OSBPL3: variants seen among roughly 807,000 people sequenced by gnomAD.
The protein encoded by OSBPL3 is oxysterol-binding protein-related protein 3.
Under a neutral mutation model 120.1 loss-of-function variants are expected in OSBPL3, and 65 were observed. That is an observed-to-expected ratio of 0.54 (90% confidence interval 0.44 to 0.67). The LOEUF (loss-of-function observed/expected upper bound fraction) is 0.67, where lower values mean the gene tolerates loss of function less well. Ranked by LOEUF, OSBPL3 falls within the 30% of genes least tolerant of loss-of-function variation. The probability of loss-of-function intolerance (pLI) is 0.00; values close to 1 mark genes in which losing one functional copy is unlikely to be tolerated. For synonymous variants in OSBPL3, 416 were observed against 402.6 expected, an observed-to-expected ratio of 1.03 and a Z score of -0.40; for missense variants, 1,004 against 1,082.1, an observed-to-expected ratio of 0.93 and a Z score of 1.01.
intron 16 of OSBPL3, among the ~76,000 whole-genome samples, chr7:24,823,167 C>T (rs1795314691): frequency 6.6e-6 from 1 of 152,124 alleles, no homozygotes; most frequent in South Asian, 2.1e-4. Flanking sequence ...GCTGTATGAC[C>T]TTCACAGCTT....
chr7:24,809,780 C>T, intron 20 of OSBPL3, 27 bp downstream of exon 20: 1 of 1,612,456 alleles, frequency 6.2e-7, no homozygotes, highest in Non-Finnish European at 8.5e-7. Flanking sequence ...CACTCACAGC[C>T]TGGGGTCCAC....
chr7:24,892,348 T>G (rs1325704543), intron 2 of OSBPL3, 29 bp downstream of exon 2: 1 of 1,603,620 alleles, frequency 6.2e-7, no homozygotes, highest in East Asian at 2.2e-5. Context: ...TACATTTGCA[T>G]ATTAAAATTT....
chr7:24,919,038 G>C (rs1810061389), intron 1 of OSBPL3, among the ~76,000 whole-genome samples: 1 of 152,020 alleles, frequency 6.6e-6, no homozygotes, highest in Admixed American at 6.6e-5. Flanking sequence ...CCAAATTTTT[G>C]GAATATGTCT....
rs555594271 is a variant in OSBPL3, at chr7:24,806,969, C to T, written c.2318-67G>A. 3.0e-5 allele frequency: 43 copies of T among 1,421,770 alleles called. No homozygotes were observed. The African/African-American group carries it at 5.0e-4, about 17-fold the overall frequency. 88.1% of individuals were successfully genotyped at this position (1,421,770 alleles called of 1,614,324 possible). ...CTTATGTTACATTTTAATTCCTTCA[C>T]CTTTTTCGTCTCAGCCTAGCTACAA... On this transcript the variant is annotated intron_variant, in intron 20 of 22. Transcript: ENST00000313367. This position sits in a 1 kb window ranked among gnomAD's most constrained non-coding sequence, Gnocchi z 5.2.
In OSBPL3 at chr7:24,972,710, A is replaced by G. The variant is rs141657225; in HGVS notation, c.-150+7176T>C. On this transcript the variant is annotated intron_variant, in intron 1 of 22. Transcript: ENST00000313367. This position sits in a 1 kb window ranked among gnomAD's most constrained non-coding sequence, Gnocchi z 4.3. ...ATAAGAGTTGCTGAGATTAAAAAAT[A>G]TATACATACATAAATATACACACAC... 1.7e-3 allele frequency among the ~76,000 whole-genome samples: 259 copies of G among 152,344 alleles called. No individual in the cohort carries two copies. Among genetic ancestry groups the G allele is most frequent in the Non-Finnish European group, 2.7e-3 (187 of 68,036 alleles).
Position 24,922,557 on chromosome 7 carries a change from A to G in OSBPL3, c.-149-29936T>C, listed in dbSNP as rs912522084. 6.6e-6 allele frequency among the ~76,000 whole-genome samples: 1 copy of G among 152,150 alleles called. No individual in the cohort carries two copies. Among genetic ancestry groups the G allele is most frequent in the African/African-American group, 2.4e-5 (1 of 41,428 alleles). ...ACTATGTGATTCATCATTACAGTAA[A>G]CCCCAAGGGAAGTGTGTAAAATGCC... is the stretch of plus-strand genomic sequence containing the variant. On this transcript the variant is annotated intron_variant, in intron 1 of 22. Coordinates refer to ENST00000313367, the MANE Select transcript of OSBPL3 (RefSeq NM_015550.4). This position sits in a 1 kb window ranked among gnomAD's most constrained non-coding sequence, Gnocchi z 4.3.
chr7:24,828,501 G>A (rs1347629674), intron 16 of OSBPL3, among the ~76,000 whole-genome samples: 1 of 151,228 alleles, frequency 6.6e-6, no homozygotes, highest in African/African-American at 2.4e-5. Context: ...CCAGCTACTC[G>A]GGAGGCTGAG....
At position 24,834,369 on chromosome 7, in the gene OSBPL3, G is replaced by C; in HGVS notation, c.1746+117C>G. On this transcript the variant is annotated intron_variant, in intron 15 of 22. Transcript: ENST00000313367. This position sits in a 1 kb window ranked among gnomAD's most constrained non-coding sequence, Gnocchi z 5.2. ...AGCTCTGAGTAATGAACCTGTTTAC[G>C]GAACAATCAAAATGAAACCGGAGGG... 6.6e-7 allele frequency: 1 copy of C among 1,514,252 alleles called. No individual in the cohort carries two copies. 93.8% of individuals were successfully genotyped at this position (1,514,252 alleles called of 1,614,324 possible).
At chr7:24,885,319 T>C (rs1466050791) in intron 2 of OSBPL3, among the ~76,000 whole-genome samples, 1 of 152,136 alleles carries the variant, frequency 6.6e-6, no homozygotes, top group Non-Finnish European at 1.5e-5. Context: ...AAAGTGTTAA[T>C]TCACTTTTCC....
rs1802963920 is a variant in OSBPL3, at chr7:24,877,143, C to G, written c.97-5074G>C. Among the ~76,000 whole-genome samples the G allele has an allele frequency of 6.6e-6, 1 of 152,164 alleles. No homozygotes were observed. ...TCATTCTGTCACATATTATAGCATA[C>G]TGCATTTTTACTGTAGTTTAAGTAT... is the stretch of plus-strand genomic sequence containing the variant. On this transcript the variant is annotated intron_variant, in intron 2 of 22. Coordinates refer to ENST00000313367, the MANE Select transcript of OSBPL3 (RefSeq NM_015550.4). This position sits in a 1 kb window ranked among gnomAD's most constrained non-coding sequence, Gnocchi z 4.8.
Position 24,932,229 on chromosome 7 carries a change from C to T in OSBPL3, c.-149-39608G>A, listed in dbSNP as rs1350910068. On this transcript the variant is annotated intron_variant, in intron 1 of 22. Coordinates refer to ENST00000313367, the MANE Select transcript of OSBPL3 (RefSeq NM_015550.4). The surrounding 1 kb of genome is among the most constrained non-coding windows in gnomAD (Gnocchi z 5.6). ...TGAGGCTTAACAAGGTCATATTTGT[C>T]CACCATCACTGGAATTTGAATGCAG... Among the ~76,000 whole-genome samples, 2 of 152,126 alleles carry T rather than the reference C, an allele frequency of 1.3e-5. No individual in the cohort carries two copies. The highest frequency in any genetic ancestry group is 3.8e-4 in the East Asian group (2 of 5,198).
At chr7:24,874,055 C>A (rs1802526646) in intron 2 of OSBPL3, among the ~76,000 whole-genome samples, 1 of 152,172 alleles carries the variant, frequency 6.6e-6, no homozygotes, top group Non-Finnish European at 1.5e-5. Context: ...AATGCCTAAC[C>A]TGCTGTGCTG....
At chr7:24,909,774 T>C (rs1361233509) in intron 1 of OSBPL3, among the ~76,000 whole-genome samples, 5 of 135,594 alleles carry the variant, frequency 3.7e-5, no homozygotes, top group Non-Finnish European at 6.4e-5. Flanking sequence ...TACTGTTTTT[T>C]TTTTCTTTCT....
rs1794384902 is a variant in OSBPL3, at chr7:24,815,680, A to G, written c.2028-477T>C. On this transcript the variant is annotated intron_variant, in intron 18 of 22. Transcript: ENST00000313367. The surrounding 1 kb of genome is among the most constrained non-coding windows in gnomAD (Gnocchi z 5.1). ...AATTACGAGGAAAATGGTATTAATA[A>G]TAAGACCAGATACTTACAAAACATA... Among the ~76,000 whole-genome samples the G allele has an allele frequency of 6.6e-6, 1 of 152,248 alleles. No homozygotes were observed. Among genetic ancestry groups the G allele is most frequent in the African/African-American group, 2.4e-5 (1 of 41,476 alleles).
rs1809020577 is a variant in OSBPL3, at chr7:24,912,876, G to C, written c.-149-20255C>G. The stretch of plus-strand genomic sequence containing the variant: ...GAAATGATGCTTCGTGACTTCTGAG[G>C]CTGCATTAGAAATGGCAATGTAACT... On this transcript the variant is annotated intron_variant, in intron 1 of 22. Transcript: ENST00000313367. The surrounding 1 kb of genome is among the most constrained non-coding windows in gnomAD (Gnocchi z 4.5). 1.3e-5 allele frequency among the ~76,000 whole-genome samples: 2 copies of C among 152,164 alleles called. No individual in the cohort carries two copies. The highest frequency in any genetic ancestry group is 1.3e-4 in the Admixed American group (2 of 15,280).
chr7:24,978,298 C>T (rs752990694), intron 1 of OSBPL3, among the ~76,000 whole-genome samples: 18 of 152,338 alleles, frequency 1.2e-4, no homozygotes, highest in Non-Finnish European at 2.1e-4. Flanking sequence ...CCTCATTCCT[C>T]ATATTTACAG....
intron 2 of OSBPL3, among the ~76,000 whole-genome samples, chr7:24,880,223 G>A (rs1236341942): frequency 1.3e-5 from 2 of 152,104 alleles, no homozygotes; most frequent in Non-Finnish European, 2.9e-5. Flanking sequence ...GAAAATTGAA[G>A]CTCCAAATTA....
intron 1 of OSBPL3, among the ~76,000 whole-genome samples, chr7:24,909,713 G>A (rs1245046883): frequency 1.3e-5 from 2 of 150,400 alleles, no homozygotes; most frequent in Non-Finnish European, 3.0e-5. Flanking sequence ...CCAGAAACAG[G>A]AACCTATGGC....
At chr7:24,895,885 T>A (rs138070707) in intron 1 of OSBPL3, among the ~76,000 whole-genome samples, 91 of 152,338 alleles carry the variant, frequency 6.0e-4, no homozygotes, top group Admixed American at 2.9e-3. Flanking sequence ...AGTGCACAAA[T>A]CTTAAGTGCA....
Sources: allele counts gnomAD v4.1 joint callset (sites outside exome capture counted in the v4.1 genomes callset), GRCh38; gene constraint gnomAD v4.1.1; non-coding constraint Gnocchi (gnomAD v3.1); transcripts MANE v1.5; gene names NCBI Gene and HGNC (gene_info 2026-07-23, HGNC 2026-07-21).